Variants in GNAS observed in about 807,000 individuals in gnomAD.
The protein encoded by GNAS is protein ALEX.
Under a neutral mutation model 54.5 loss-of-function variants are expected in GNAS, and 8 were observed. The ratio of observed to expected loss-of-function variants is 0.15; its 90% confidence interval spans 0.09 to 0.26. The LOEUF (loss-of-function observed/expected upper bound fraction) is 0.26. Among genes scored for constraint, GNAS ranks in the 10% least tolerant of loss-of-function variants. GNAS has a pLI of 1.00. For synonymous variants in GNAS, 204 were observed against 191.4 expected, an observed-to-expected ratio of 1.07 and a Z score of -0.54; for missense variants, 170 against 529.8, an observed-to-expected ratio of 0.32 and a Z score of 6.67.
chr20:58,887,757 C>T (rs892073069), upstream of GNAS, among the ~76,000 whole-genome samples: 1 of 152,180 alleles, frequency 6.6e-6, no homozygotes, highest in African/African-American at 2.4e-5. Flanking sequence ...GTCTAGGCTG[C>T]GCTTCCTGTT....
chr20:58,877,054 G>T (rs1280946965), intron 1 of GNAS: 1 of 152,294 alleles, frequency 6.6e-6, no homozygotes, highest in East Asian at 1.9e-4. Context: ...TGAGAGAAGC[G>T]AAGAGGAGTG....
intron 1 of GNAS, 97 bp downstream of exon 1, chr20:58,891,962 CGCTCCCGAGCCCCCCGCCCGTTCGCGG>C (rs1376329417): frequency 5.1e-6 from 4 of 787,414 alleles, no homozygotes; most frequent in Non-Finnish European, 6.1e-6. Context: ...CCCGGGCGCG[CGCTCCCGAGCCCCCCGCCCGTTCGCGG>C]GCTCTGTCTG....
At chr20:58,849,505 A>G (rs1039641090) in intron 1 of GNAS, among the ~76,000 whole-genome samples, 4 of 152,124 alleles carry the variant, frequency 2.6e-5, no homozygotes, top group African/African-American at 7.2e-5. Flanking sequence ...TCTTTTTCTG[A>G]ACTTCAGACC....
intron 1 of GNAS, among the ~76,000 whole-genome samples, chr20:58,869,363 A>G (rs1006012647): frequency 6.6e-6 from 1 of 152,224 alleles, no homozygotes; most frequent in Non-Finnish European, 1.5e-5. Context: ...GGCAGATTGT[A>G]TAGGAAATCA....
intron 3 of GNAS, chr20:58,899,978 T>C: frequency 1.4e-6 from 1 of 717,708 alleles, no homozygotes; most frequent in Non-Finnish European, 2.6e-6. Context: ...ATGGCTACAG[T>C]TTCTCATCTT....
chr20:58,872,345 C>CT lies in GNAS; in HGVS notation c.44-23264dup, dbSNP rs201277988. ...CTGGCACACAGAGAACCTTCTAGTTCTTTAAAAAAAAAAATCATAAATTTT... is the reference window on the plus strand; with the variant it reads ...CTGGCACACAGAGAACCTTCTAGTTCTTTTAAAAAAAAAAATCATAAATTTT... On this transcript the variant is annotated intron_variant, in intron 1 of 12. Transcript: ENST00000306090. 1.4e-4 allele frequency among the ~76,000 whole-genome samples: 18 copies of CT among 127,772 alleles called. 1 individual carries two copies. The East Asian group carries it at 6.1e-3, about 44-fold the overall frequency. The allele number at this position is 127,772 out of a possible 152,430, so 83.8% of individuals were successfully genotyped here.
chr20:58,845,464 T>G (rs554042982), intron 1 of GNAS, among the ~76,000 whole-genome samples: 38 of 152,310 alleles, frequency 2.5e-4, no homozygotes, highest in African/African-American at 8.4e-4. Flanking sequence ...AGCTAAGACT[T>G]GTTTGCGCAC....
chr20:58,891,209 GCCGCCTCCCT>G (rs1308560167), upstream of GNAS: 3 of 149,152 alleles, frequency 2.0e-5, no homozygotes, highest in Non-Finnish European at 3.0e-5. Context: ...CTCCCGGGGG[GCCGCCTCCCT>G]CCGCCGGCTC....
chr20:58,908,951 T>G (rs1373155414), intron 6 of GNAS: 1 of 694,054 alleles, frequency 1.4e-6, no homozygotes, highest in Admixed American at 1.9e-5. Flanking sequence ...CTAAAATTAT[T>G]TATCTTAAAT....
At chr20:58,895,440 T>C (rs1043784321) in intron 1 of GNAS, 172 bp from the exon 2 acceptor site, 19 of 658,382 alleles carry the variant, frequency 2.9e-5, no homozygotes, top group Middle Eastern at 4.0e-4. Flanking sequence ...GAATTGGACA[T>C]TGATTTCCTT....
chr20:58,854,015 C>T (rs778939038), intron 1 of GNAS: 4 of 1,611,500 alleles, frequency 2.5e-6, no homozygotes, highest in East Asian at 2.2e-5. Context: ...CACAAGTCGA[C>T]GGCAGCAGCC....
At chr20:58,854,795 C>A (rs761190379) in intron 1 of GNAS, 1 of 1,578,422 alleles carries the variant, frequency 6.3e-7, no homozygotes, top group Non-Finnish European at 8.6e-7. Flanking sequence ...CAGCCCAAGT[C>A]CGCCGGGCGG....
chr20:58,893,395 C>T (rs2089715354), intron 1 of GNAS, among the ~76,000 whole-genome samples: 1 of 152,106 alleles, frequency 6.6e-6, no homozygotes, highest in Non-Finnish European at 1.5e-5. Context: ...AAGTTTTCCA[C>T]TTCCTTGATA....
chr20:58,903,066 C>T lies in GNAS; in HGVS notation c.258-465C>T, dbSNP rs1453553425. On this transcript the variant is annotated intron_variant, in intron 3 of 12. Transcript: ENST00000371085. ...TAATGAACTATTATAAACACCACCA[C>T]CTGTGCTCACTGGTTCTCTCAGTAT... is the stretch of plus-strand genomic sequence containing the variant. 1.2e-5 allele frequency: 4 copies of T among 322,676 alleles called. No homozygotes were observed. In the East Asian group the frequency reaches 2.4e-4, roughly 20 times the overall value. 20.0% of individuals were successfully genotyped at this position (322,676 alleles called of 1,614,324 possible).
At chr20:58,855,301 G>A (rs1385818351) in intron 1 of GNAS, 1 of 1,581,902 alleles carries the variant, frequency 6.3e-7, no homozygotes, top group African/African-American at 1.3e-5. Flanking sequence ...GAAAAGATGG[G>A]CTACATGTGT....
Position 58,857,930 on chromosome 20 carries a change from G to GA in GNAS, c.43+17046dup, listed in dbSNP as rs1235055909. ...ACACCTTTGGATGCAGCATAGTCCAGAAGGTGGGCTGGCAAACCATGGGCC... is the reference window on the plus strand; with the variant it reads ...ACACCTTTGGATGCAGCATAGTCCAGAAAGGTGGGCTGGCAAACCATGGGCC... On this transcript the variant is annotated intron_variant, in intron 1 of 12. Coordinates refer to the GNAS transcript ENST00000306090. The surrounding 1 kb of genome is among the most constrained non-coding windows in gnomAD (Gnocchi z 4.1). Among the ~76,000 whole-genome samples, 3 of 152,196 alleles carry GA rather than the reference G, an allele frequency of 2.0e-5. No homozygotes were observed. The highest frequency in any genetic ancestry group is 2.0e-4 in the Admixed American group (3 of 15,286).
chr20:58,907,794 T>C (rs2091181399), intron 6 of GNAS, among the ~76,000 whole-genome samples: 1 of 152,398 alleles, frequency 6.6e-6, no homozygotes, highest in African/African-American at 2.4e-5. Flanking sequence ...CAAACAGCCC[T>C]GCATCTGCCG....
At chr20:58,877,240 A>C (rs1179862969) in intron 1 of GNAS, among the ~76,000 whole-genome samples, 1 of 152,034 alleles carries the variant, frequency 6.6e-6, no homozygotes, top group East Asian at 1.9e-4. Flanking sequence ...TACAGAGTGC[A>C]AAGCGGCTGT....
chr20:58,904,565 ATGTATGCGTT>A (rs1050792800), intron 5 of GNAS, among the ~76,000 whole-genome samples: 2 of 152,220 alleles, frequency 1.3e-5, no homozygotes, highest in African/African-American at 4.8e-5. Flanking sequence ...AGATGGAAAG[ATGTATGCGTT>A]TGTAAGACCC....
Sources: gnomAD v4.1 joint callset for allele counts (sites outside exome capture counted in the v4.1 genomes callset) on GRCh38, gnomAD v4.1.1 for gene constraint, Gnocchi (gnomAD v3.1) non-coding constraint, MANE v1.5 for transcripts, NCBI Gene and HGNC (gene_info 2026-07-23, HGNC 2026-07-21) for gene names.